DMD: variants seen among roughly 807,000 people sequenced by gnomAD.
The protein encoded by DMD is mutant dystrophin.
Under a neutral mutation model 330.1 loss-of-function variants are expected in DMD, and 63 were observed. That is an observed-to-expected ratio of 0.19 (90% CI 0.16 to 0.24). The LOEUF (loss-of-function observed/expected upper bound fraction) is 0.24, where lower values mean the gene tolerates loss of function less well. DMD is among the 10% of genes least tolerant of loss of function. The pLI, the probability that DMD is intolerant of heterozygous loss-of-function variation, is 1.00. For missense variants in DMD, 3,344 were observed against 2,684.1 expected, an observed-to-expected ratio of 1.25 and a Z score of -5.43; for synonymous variants, 1,223 against 959.8, an observed-to-expected ratio of 1.27 and a Z score of -5.07.
chrX:33,281,660 T>C (rs1186341493), intron 1 of DMD, among the ~76,000 whole-genome samples: 1 of 111,322 alleles, frequency 9.0e-6, no homozygotes, highest in Non-Finnish European at 1.9e-5. Context: ...GGACATTTTG[T>C]CCATTATATA....
chrX:31,742,532 T>C (rs757753134), intron 51 of DMD, among the ~76,000 whole-genome samples: 1 of 111,242 alleles, frequency 9.0e-6, no homozygotes, highest in Non-Finnish European at 1.9e-5. Context: ...ATCAGTGGAG[T>C]AGCCAGAACA....
chrX:31,517,958 CA>C (rs2072396971), intron 55 of DMD, among the ~76,000 whole-genome samples: 1 of 108,001 alleles, frequency 9.3e-6, no homozygotes, highest in African/African-American at 3.4e-5. Context: ...CACACACACA[CA>C]CACACCTTGG....
intron 52 of DMD, among the ~76,000 whole-genome samples, chrX:31,717,778 G>A (rs1179877641): frequency 8.9e-6 from 1 of 111,960 alleles, no homozygotes; most frequent in African/African-American, 3.2e-5. Flanking sequence ...TTCTTATTCT[G>A]TGCATTTGAG....
At chrX:31,614,197 T>C (rs1454992405) in intron 55 of DMD, among the ~76,000 whole-genome samples, 1 of 112,350 alleles carries the variant, frequency 8.9e-6, no homozygotes, top group Non-Finnish European at 1.9e-5. Flanking sequence ...TTCATAAATA[T>C]CCAGGTCTCA....
chrX:31,966,506 T>C (rs1024795157), intron 45 of DMD, among the ~76,000 whole-genome samples: 10 of 110,213 alleles, frequency 9.1e-5, no homozygotes, highest in African/African-American at 3.3e-4. Context: ...AAAGCTCAGC[T>C]TAAAAAAAAA....
chrX:32,378,395 T>G (rs2097912281), intron 34 of DMD, among the ~76,000 whole-genome samples: 1 of 109,463 alleles, frequency 9.1e-6, no homozygotes, highest in Non-Finnish European at 1.9e-5. Context: ...ACTAAATAAT[T>G]TTTCTGGAAT....
intron 9 of DMD, among the ~76,000 whole-genome samples, chrX:32,656,985 C>T (rs749313966): frequency 2.8e-4 from 30 of 107,643 alleles, no homozygotes; most frequent in Middle Eastern, 9.4e-3. Flanking sequence ...TACATATTCA[C>T]ATACATATAT....
chrX:32,722,041 A>G (rs1265336802), intron 7 of DMD, among the ~76,000 whole-genome samples: 1 of 108,246 alleles, frequency 9.2e-6, no homozygotes, highest in Non-Finnish European at 1.9e-5. Flanking sequence ...GCATTACAAT[A>G]CTCTTTTTAA....
chrX:32,187,661 T>G (rs946539668), intron 44 of DMD, among the ~76,000 whole-genome samples: 6 of 111,779 alleles, frequency 5.4e-5, no homozygotes, highest in Non-Finnish European at 9.5e-5. Context: ...TAAAAATCCA[T>G]TTAATATAAA....
Position 32,938,933 on chromosome X carries a change from GACA to G in DMD, c.93+81203_93+81205del, listed in dbSNP as rs2090202202. On this transcript the variant is annotated intron_variant, in intron 2 of 78. Coordinates refer to ENST00000357033, the MANE Select transcript of DMD (RefSeq NM_004006.3). ...ATCCCTGAGGATATCCGACAATACT[GACA>G]ACATTATAAACTTTAAGAGAAAAAA... 2.7e-5 allele frequency among the ~76,000 whole-genome samples: 3 copies of G among 110,517 alleles called. 1 individual carries two copies. Among genetic ancestry groups the G allele is most frequent in the South Asian group, 3.8e-4 (1 of 2,632 alleles).
upstream of DMD, among the ~76,000 whole-genome samples, chrX:33,212,629 A>T (rs113261790): frequency 0.024 from 2,660 of 111,932 alleles, 93 homozygotes; most frequent in African/African-American, 0.082. Flanking sequence ...GATAAAAATT[A>T]AAAAAATATT....
intron 1 of DMD, among the ~76,000 whole-genome samples, chrX:33,320,462 T>G (rs1294895123): frequency 2.7e-5 from 3 of 112,266 alleles, no homozygotes; most frequent in African/African-American, 9.7e-5. Flanking sequence ...TTTTGTAGCC[T>G]AAGTGTGCAA....
At chrX:32,670,907 T>C (rs756077084) in intron 9 of DMD, among the ~76,000 whole-genome samples, 2 of 111,138 alleles carry the variant, frequency 1.8e-5, no homozygotes, top group East Asian at 2.8e-4. Context: ...TGTTGACAAA[T>C]GTGTACTTCT....
chrX:32,805,441 C>A (rs1388487524), intron 7 of DMD, among the ~76,000 whole-genome samples: 1 of 111,631 alleles, frequency 9.0e-6, no homozygotes, highest in African/African-American at 3.3e-5. Flanking sequence ...ATGAACAAAG[C>A]CTCCACGAAA....
At chrX:32,502,446 A>G (rs1384207607) in intron 18 of DMD, among the ~76,000 whole-genome samples, 1 of 111,822 alleles carries the variant, frequency 8.9e-6, no homozygotes, top group African/African-American at 3.2e-5. Context: ...ATTTCCCTTA[A>G]GAGTTACATT....
intron 1 of DMD, among the ~76,000 whole-genome samples, chrX:33,292,004 T>C (rs1345695801): frequency 1.8e-5 from 2 of 111,887 alleles, no homozygotes; most frequent in Non-Finnish European, 3.8e-5. Context: ...TATAAGAATG[T>C]ATGTATTCCA....
intron 59 of DMD, among the ~76,000 whole-genome samples, chrX:31,456,886 A>G (rs1358132819): frequency 2.0e-5 from 2 of 102,516 alleles, no homozygotes; most frequent in African/African-American, 7.4e-5. Context: ...GTATATATAT[A>G]TATATTATAT....
At chrX:31,682,219 C>T (rs771751842) in intron 52 of DMD, among the ~76,000 whole-genome samples, 2 of 112,307 alleles carry the variant, frequency 1.8e-5, no homozygotes, top group African/African-American at 6.5e-5. Flanking sequence ...GTAAGTGGCA[C>T]ACATTATAGA....
chrX:32,472,486 A>G (rs970727076), intron 21 of DMD, among the ~76,000 whole-genome samples, 177 bp from the exon 22 acceptor site: 1 of 112,064 alleles, frequency 8.9e-6, no homozygotes, highest in African/African-American at 3.2e-5. Flanking sequence ...CATGTGTAAT[A>G]TGCCAGGGAC....
Sources: allele counts gnomAD v4.1 joint callset (sites outside exome capture counted in the v4.1 genomes callset), GRCh38; gene constraint gnomAD v4.1.1; transcripts MANE v1.5; gene names NCBI Gene and HGNC (gene_info 2026-07-23, HGNC 2026-07-21).